The following SLC8A1 variants were observed in gnomAD, a reference collection of about 807,000 sequenced individuals.
SLC8A1 encodes sodium/calcium exchanger 1.
Under a neutral mutation model 68.3 loss-of-function variants are expected in SLC8A1, and 18 were observed. The ratio of observed to expected loss-of-function variants is 0.26; its 90% CI spans 0.18 to 0.39. The LOEUF is 0.39. SLC8A1 is among the 10% of genes least tolerant of loss of function. The pLI is 1.00. For synonymous variants in SLC8A1, 475 were observed against 415.5 expected (o/e 1.14, Z -1.74); for missense variants, 985 against 1,156.7 (o/e 0.85, Z 2.15).
At chr2:40,182,687 A>G (rs905953111) in intron 2 of SLC8A1, among the ~76,000 whole-genome samples, 2 of 152,202 alleles carry the variant, frequency 1.3e-5, no homozygotes, top group African/African-American at 4.8e-5. Flanking sequence ...AGGAGTTCTT[A>G]TATCTGGTTT....
chr2:40,422,408 G>A (rs1302249441), intron 2 of SLC8A1, among the ~76,000 whole-genome samples: 1 of 152,132 alleles, frequency 6.6e-6, no homozygotes, highest in Non-Finnish European at 1.5e-5. Flanking sequence ...TTAGCTGACA[G>A]AGAAGCAAAA....
upstream of SLC8A1, chr2:40,453,402 T>C (rs1343016470): frequency 6.6e-6 from 1 of 152,106 alleles, no homozygotes; most frequent in East Asian, 1.9e-4. Context: ...CGTCCCCCCA[T>C]ACTTACAGTG....
intron 2 of SLC8A1, among the ~76,000 whole-genome samples, chr2:40,278,154 T>C (rs935471445): frequency 2.0e-5 from 3 of 152,116 alleles, no homozygotes; most frequent in East Asian, 3.9e-4. Context: ...AACTCTATAA[T>C]TTATTTACCT....
Position 40,219,197 on chromosome 2 carries a change from G to A in SLC8A1, c.1809-41342C>T, listed in dbSNP as rs142844452. Among the ~76,000 whole-genome samples, 1,396 of 152,330 alleles carry A rather than the reference G, an allele frequency of 9.2e-3. 8 individuals are homozygous for A. Among genetic ancestry groups the A allele is most frequent in the Non-Finnish European group, 0.015 (1,020 of 68,030 alleles). On this transcript the variant is annotated intron_variant, in intron 2 of 7. Transcript: ENST00000406785. ...GGGTCATGGAGATTAATCTTTAGAG[G>A]TGTGTGTTCATAGAGGAGAAACCAT...
intron 2 of SLC8A1, among the ~76,000 whole-genome samples, chr2:40,264,430 G>C (rs995503850): frequency 1.3e-5 from 2 of 152,028 alleles, no homozygotes; most frequent in Non-Finnish European, 2.9e-5. Flanking sequence ...ATTCACAATA[G>C]CAAAGACTTG....
chr2:40,331,189 T>G (rs955489111), intron 2 of SLC8A1, among the ~76,000 whole-genome samples: 1 of 152,204 alleles, frequency 6.6e-6, no homozygotes, highest in Middle Eastern at 3.2e-3. Context: ...GTAATTGCCA[T>G]ATAGTGTGCT....
At chr2:40,277,427 C>T (rs935741338) in intron 2 of SLC8A1, among the ~76,000 whole-genome samples, 1 of 151,958 alleles carries the variant, frequency 6.6e-6, no homozygotes, top group Non-Finnish European at 1.5e-5. Context: ...GTAATCCCAG[C>T]TATTCAGGAG....
At chr2:40,355,188 CAA>C (rs946795322) in intron 2 of SLC8A1, among the ~76,000 whole-genome samples, 1 of 152,110 alleles carries the variant, frequency 6.6e-6, no homozygotes, top group Non-Finnish European at 1.5e-5. Context: ...CAAAAGCAAT[CAA>C]GAGTCTGATA....
intron 2 of SLC8A1, among the ~76,000 whole-genome samples, chr2:40,400,149 C>T (rs1474357632): frequency 6.6e-6 from 1 of 152,186 alleles, no homozygotes; most frequent in Non-Finnish European, 1.5e-5. Flanking sequence ...AGGAATTGCT[C>T]ACTCGGTGAG....
intron 2 of SLC8A1, among the ~76,000 whole-genome samples, chr2:40,318,719 G>A (rs2074809289): frequency 6.6e-6 from 1 of 151,976 alleles, no homozygotes; most frequent in Non-Finnish European, 1.5e-5. Context: ...TTTACTAACT[G>A]CAATTGATGA....
At chr2:40,177,021 G>A (rs1381867045) in intron 3 of SLC8A1, among the ~76,000 whole-genome samples, 2 of 145,468 alleles carry the variant, frequency 1.4e-5, no homozygotes, top group East Asian at 3.9e-4. Context: ...GCATAATCTA[G>A]TTATAAAGGA....
chr2:40,400,663 T>C (rs538808947), intron 2 of SLC8A1, among the ~76,000 whole-genome samples: 1 of 152,156 alleles, frequency 6.6e-6, no homozygotes, highest in South Asian at 2.1e-4. Context: ...ATGAACTACC[T>C]CCTTCAGAGG....
chr2:40,377,563 C>A (rs1465995883), intron 2 of SLC8A1, among the ~76,000 whole-genome samples: 1 of 151,450 alleles, frequency 6.6e-6, no homozygotes, highest in African/African-American at 2.4e-5. Flanking sequence ...CAACTCACAG[C>A]CCTAGAGCAG....
intron 3 of SLC8A1, 71 bp from the exon 4 acceptor site, chr2:40,175,352 C>A: frequency 2.7e-6 from 4 of 1,491,642 alleles, no homozygotes; most frequent in African/African-American, 1.4e-5. Flanking sequence ...AGAGGAATAT[C>A]AGCAGAAAGA....
intron 2 of SLC8A1, among the ~76,000 whole-genome samples, chr2:40,326,860 G>C (rs951736857): frequency 4.6e-5 from 7 of 152,172 alleles, no homozygotes; most frequent in African/African-American, 1.2e-4. Flanking sequence ...AGATGATTGT[G>C]TGGAAACAAG....
At chr2:40,268,726 A>C (rs1368762611) in intron 2 of SLC8A1, among the ~76,000 whole-genome samples, 1 of 152,120 alleles carries the variant, frequency 6.6e-6, no homozygotes, top group Admixed American at 6.6e-5. Context: ...AAAGTCCTCA[A>C]AGGGCTCCTG....
intron 2 of SLC8A1, among the ~76,000 whole-genome samples, chr2:40,373,099 G>C (rs1326332551): frequency 6.6e-6 from 1 of 152,036 alleles, no homozygotes; most frequent in Non-Finnish European, 1.5e-5. Context: ...TGTTAAAAAT[G>C]TTTATAATCA....
chr2:40,162,331 G>A (rs1371052297), intron 5 of SLC8A1, among the ~76,000 whole-genome samples: 2 of 152,192 alleles, frequency 1.3e-5, no homozygotes, highest in African/African-American at 4.8e-5. Context: ...GTGCCTTGTA[G>A]AATGTAATAA....
At chr2:40,429,988 C>T (rs1379346196) in exon 2 of SLC8A1, 5 of 1,613,524 alleles carry the variant, frequency 3.1e-6, no homozygotes, top group East Asian at 2.2e-5. Flanking sequence ...GGACATGAAC[C>T]GATCAGCTAT....
Sources: allele counts gnomAD v4.1 joint callset (sites outside exome capture counted in the v4.1 genomes callset), GRCh38; gene constraint gnomAD v4.1.1; transcripts MANE v1.5; gene names NCBI Gene and HGNC (gene_info 2026-07-23, HGNC 2026-07-21).